Variants in CPQ observed in about 807,000 individuals in gnomAD.
CPQ encodes Ser-Met dipeptidase.
CPQ carries 37 observed loss-of-function variants against 45.7 expected under a neutral mutation model. That is an observed-to-expected ratio of 0.81 (90% CI 0.62 to 1.07). The LOEUF (loss-of-function observed/expected upper bound fraction) is 1.07. Ranked by LOEUF, CPQ falls within the 50% of genes least tolerant of loss-of-function variation. The probability of loss-of-function intolerance (pLI) is 0.00; values close to 1 mark genes in which losing one functional copy is unlikely to be tolerated. For synonymous variants in CPQ, 186 were observed against 205.8 expected (o/e 0.90, Z 0.82); for missense variants, 537 against 572.9 (o/e 0.94, Z 0.64).
At chr8:96,887,401 G>A (rs1812319575) in intron 4 of CPQ, among the ~76,000 whole-genome samples, 1 of 152,162 alleles carries the variant, frequency 6.6e-6, no homozygotes, top group South Asian at 2.1e-4. Flanking sequence ...GGAAAGCGAG[G>A]GCTGTCTTGT....
intron 1 of CPQ, among the ~76,000 whole-genome samples, chr8:96,750,957 G>A (rs1045589591): frequency 6.6e-6 from 1 of 152,086 alleles, no homozygotes. Flanking sequence ...CCCTGCACAG[G>A]ACATGATCTT....
intron 6 of CPQ, among the ~76,000 whole-genome samples, chr8:97,053,113 A>G (rs1375319820): frequency 6.6e-6 from 1 of 152,188 alleles, no homozygotes; most frequent in African/African-American, 2.4e-5. Context: ...ATCTAGTTAC[A>G]TGCTCGCATG....
At chr8:96,844,224 T>C (rs889302614) in intron 3 of CPQ, among the ~76,000 whole-genome samples, 1 of 152,196 alleles carries the variant, frequency 6.6e-6, no homozygotes, top group Non-Finnish European at 1.5e-5. Flanking sequence ...ACCAAAAGAA[T>C]CCTGAGAAAC....
chr8:96,963,966 A>G (rs1813507846), intron 4 of CPQ, among the ~76,000 whole-genome samples: 1 of 152,124 alleles, frequency 6.6e-6, no homozygotes, highest in Non-Finnish European at 1.5e-5. Flanking sequence ...TGAGACTCAT[A>G]CAATTTTATC....
intron 7 of CPQ, among the ~76,000 whole-genome samples, chr8:97,106,173 G>A (rs1213995093): frequency 1.3e-5 from 2 of 152,220 alleles, no homozygotes; most frequent in South Asian, 2.1e-4. Context: ...ATTTATATGT[G>A]AGAATGAATG....
chr8:96,657,811 G>A (rs1250597638), intron 1 of CPQ, among the ~76,000 whole-genome samples: 1 of 152,162 alleles, frequency 6.6e-6, no homozygotes, highest in Non-Finnish European at 1.5e-5. Flanking sequence ...CTTTTAACAG[G>A]TTGAGATGAT....
intron 4 of CPQ, among the ~76,000 whole-genome samples, chr8:96,883,623 G>A (rs1206876887): frequency 1.3e-5 from 2 of 152,168 alleles, no homozygotes; most frequent in Admixed American, 6.5e-5. Flanking sequence ...GCCTGGAACC[G>A]CAGGGGACAT....
At chr8:97,140,063 G>A (rs1173458219) in intron 7 of CPQ, among the ~76,000 whole-genome samples, 3 of 149,414 alleles carry the variant, frequency 2.0e-5, no homozygotes, top group Non-Finnish European at 4.5e-5. Context: ...ATGAAAAAGA[G>A]GGCATCACTA....
At chr8:97,137,948 AG>A (rs1390898030) in intron 7 of CPQ, among the ~76,000 whole-genome samples, 1 of 151,540 alleles carries the variant, frequency 6.6e-6, no homozygotes, top group East Asian at 1.9e-4. Flanking sequence ...TGCCTTCTGG[AG>A]GTCAAGATGT....
At chr8:97,045,096 C>T (rs1810215380) in intron 6 of CPQ, among the ~76,000 whole-genome samples, 1 of 152,204 alleles carries the variant, frequency 6.6e-6, no homozygotes, top group Admixed American at 6.5e-5. Context: ...AGAGGTGGAG[C>T]CTACAGAGGC....
intron 5 of CPQ, among the ~76,000 whole-genome samples, chr8:97,014,896 C>G (rs1405548816): frequency 1.3e-5 from 2 of 151,870 alleles, no homozygotes; most frequent in Non-Finnish European, 2.9e-5. Context: ...AATAATGGTT[C>G]CTGCATTATA....
At chr8:96,743,625 T>C (rs1299669307) in intron 1 of CPQ, among the ~76,000 whole-genome samples, 1 of 152,016 alleles carries the variant, frequency 6.6e-6, no homozygotes, top group African/African-American at 2.4e-5. Context: ...TTTTGGTCTT[T>C]GATGATGGTG....
chr8:96,777,753 TATA>T (rs1810631591), intron 1 of CPQ, among the ~76,000 whole-genome samples: 8 of 13,936 alleles, frequency 5.7e-4, no homozygotes, highest in African/African-American at 1.7e-3. Flanking sequence ...TATATATATA[TATA>T]TATATTTTTT....
In CPQ at chr8:97,112,156, T is replaced by A. The variant is rs149751347; in HGVS notation, c.1256-30864T>A. Among the ~76,000 whole-genome samples the A allele has an allele frequency of 5.9e-3, 797 of 134,028 alleles. 9 individuals are homozygous for A. The highest frequency in any genetic ancestry group is 0.022 in the African/African-American group (752 of 33,526). 87.9% of individuals were successfully genotyped at this position (134,028 alleles called of 152,430 possible). ...CCTTATTTTTTATTATTTTTATTTT[T>A]TTTTTATTTTTTTTTTTGCTAAGAC... On this transcript the variant is annotated intron_variant, in intron 7 of 7. Coordinates refer to ENST00000220763, the MANE Select transcript of CPQ (RefSeq NM_016134.4).
At chr8:96,723,499 A>G (rs1190363370) in intron 1 of CPQ, among the ~76,000 whole-genome samples, 1 of 152,150 alleles carries the variant, frequency 6.6e-6, no homozygotes, top group African/African-American at 2.4e-5. Context: ...AATTTATAAA[A>G]CATACAAAAA....
chr8:96,765,459 C>T (rs1810455094), intron 1 of CPQ, among the ~76,000 whole-genome samples: 1 of 151,852 alleles, frequency 6.6e-6, no homozygotes, highest in South Asian at 2.1e-4. Flanking sequence ...GGGTAGAAAG[C>T]AGGGCTTACT....
At chr8:96,745,250 G>C (rs368276765) in intron 1 of CPQ, among the ~76,000 whole-genome samples, 116 of 152,220 alleles carry the variant, frequency 7.6e-4, no homozygotes, top group African/African-American at 2.6e-3. Context: ...GGAGGTTGCC[G>C]TGAGCTGAGA....
chr8:96,721,185 T>C (rs1191903413), intron 1 of CPQ, among the ~76,000 whole-genome samples: 2 of 152,112 alleles, frequency 1.3e-5, no homozygotes, highest in East Asian at 3.9e-4. Context: ...TCTGGTGCCC[T>C]GCCCTGCATG....
chr8:97,137,649 G>A (rs1285145732), intron 7 of CPQ, among the ~76,000 whole-genome samples: 1 of 152,220 alleles, frequency 6.6e-6, no homozygotes, highest in Non-Finnish European at 1.5e-5. Flanking sequence ...GTATTTTCTG[G>A]TTTTAAAATG....
Sources: gnomAD v4.1 joint callset for allele counts (sites outside exome capture counted in the v4.1 genomes callset) on GRCh38, gnomAD v4.1.1 for gene constraint, MANE v1.5 for transcripts, NCBI Gene and HGNC (gene_info 2026-07-23, HGNC 2026-07-21) for gene names.